Variants in ARSG observed in about 807,000 individuals in gnomAD.
ARSG encodes ASG.
In ARSG, 37 loss-of-function variants were observed where a neutral mutation model predicts 50.5. That is an observed-to-expected ratio of 0.73 (90% CI 0.56 to 0.96). The LOEUF is 0.96. ARSG is among the 50% of genes least tolerant of loss of function. The probability of loss-of-function intolerance (pLI) is 0.00; values close to 1 mark genes in which losing one functional copy is unlikely to be tolerated. For synonymous variants in ARSG, 225 were observed against 254.6 expected, an observed-to-expected ratio of 0.88 and a Z score of 1.11; for missense variants, 629 against 675.3, an observed-to-expected ratio of 0.93 and a Z score of 0.76.
At chr17:68,346,660 C>A in intron 3 of ARSG, 14 of 1,137,708 alleles carry the variant, frequency 1.2e-5, no homozygotes, top group Non-Finnish European at 1.6e-5. Context: ...GCTTGAACTG[C>A]GGGCTGCTGA....
chr17:68,358,083 G>T (rs116708832), intron 6 of ARSG, among the ~76,000 whole-genome samples: 1 of 152,120 alleles, frequency 6.6e-6, no homozygotes, highest in East Asian at 1.9e-4. Flanking sequence ...TGCACATGTT[G>T]TTCCAGCTAC....
chr17:68,369,683 A>G (rs1188169733), intron 7 of ARSG, among the ~76,000 whole-genome samples: 2 of 152,152 alleles, frequency 1.3e-5, no homozygotes, highest in Non-Finnish European at 2.9e-5. Flanking sequence ...CCTTTTCCTC[A>G]TCTGCAAAAT....
chr17:68,319,904 T>C (rs2077211675), intron 2 of ARSG, among the ~76,000 whole-genome samples: 2 of 152,240 alleles, frequency 1.3e-5, no homozygotes, highest in Non-Finnish European at 1.5e-5. Flanking sequence ...ATATCACTTA[T>C]AGATTGGTCT....
At chr17:68,338,648 C>T (rs185265461) in intron 2 of ARSG, among the ~76,000 whole-genome samples, 1 of 152,272 alleles carries the variant, frequency 6.6e-6, no homozygotes, top group East Asian at 1.9e-4. Flanking sequence ...AGGTCTTTAA[C>T]CTCCCCCTGC....
At chr17:68,261,756 T>C (rs1249262854) in intron 1 of ARSG, among the ~76,000 whole-genome samples, 2 of 152,028 alleles carry the variant, frequency 1.3e-5, no homozygotes, top group South Asian at 2.1e-4. Flanking sequence ...AGTGATCAAA[T>C]TGAAGGGTCA....
intron 11 of ARSG, among the ~76,000 whole-genome samples, chr17:68,403,580 G>C (rs1019647379): frequency 6.6e-6 from 1 of 152,208 alleles, no homozygotes; most frequent in Non-Finnish European, 1.5e-5. Context: ...TACTACATTA[G>C]ATTAGAGAAA....
the ARSG span, chr17:68,444,702 G>T: frequency 2.7e-6 from 2 of 749,450 alleles, no homozygotes; most frequent in Non-Finnish European, 2.1e-6. Context: ...GCCTAAAGCA[G>T]AATTTTGATG....
chr17:68,448,040 A>G, the ARSG span, among the ~76,000 whole-genome samples: 1 of 151,472 alleles, frequency 6.6e-6, no homozygotes, highest in African/African-American at 2.4e-5. Context: ...ATAACACCTT[A>G]TCCAAATCTT....
chr17:68,289,305 T>A (rs2075913129), upstream of ARSG, among the ~76,000 whole-genome samples: 1 of 152,026 alleles, frequency 6.6e-6, no homozygotes, highest in African/African-American at 2.4e-5. Context: ...AACAAATAAA[T>A]AAGTAGGTAT....
At position 68,386,111 on chromosome 17, in the gene ARSG, G is replaced by T. The variant is rs569006415; in HGVS notation, c.1091+939G>T. On this transcript the variant is annotated intron_variant, in intron 9 of 11. Transcript: ENST00000621439. ...GGCAGATCCAGGAGGCCATCTCCATGGCAAAGAACTTGGCTGTGCAGCGTC... is the reference window on the plus strand; with the variant it reads ...GGCAGATCCAGGAGGCCATCTCCATTGCAAAGAACTTGGCTGTGCAGCGTC... Among the ~76,000 whole-genome samples, 25 of 152,258 alleles carry T rather than the reference G, an allele frequency of 1.6e-4. No homozygotes were observed. The South Asian group carries it at 4.8e-3, about 29-fold the overall frequency.
intron 1 of ARSG, among the ~76,000 whole-genome samples, chr17:68,296,900 A>G (rs2076227734): frequency 6.6e-6 from 1 of 152,236 alleles, no homozygotes; most frequent in Admixed American, 6.5e-5. Flanking sequence ...CTAAGAAAGA[A>G]CTTAGAAAAG....
At chr17:68,270,436 C>A (rs1555748074) in intron 1 of ARSG, among the ~76,000 whole-genome samples, 2 of 152,064 alleles carry the variant, frequency 1.3e-5, no homozygotes, top group African/African-American at 4.8e-5. Context: ...TGCCTGTAGT[C>A]CCAGCTACTC....
intron 1 of ARSG, among the ~76,000 whole-genome samples, chr17:68,270,491 T>A (rs2075301947): frequency 6.6e-6 from 1 of 151,162 alleles, no homozygotes; most frequent in Non-Finnish European, 1.5e-5. Flanking sequence ...GAGGTGGAGG[T>A]TGCAGTGAGC....
Position 68,307,390 on chromosome 17 carries a change from C to T in ARSG, c.-104C>T. ...TTCTTGCAGATTCCACCCCTGCTCC[C>T]CAGAGACTTCCTGCTTTGAAAGTGA... On this transcript the variant is annotated 5_prime_UTR_variant, in exon 2 of 12. Coordinates refer to ENST00000621439, the MANE Select transcript of ARSG (RefSeq NM_001267727.2). The T allele has an allele frequency of 1.1e-6, 1 of 904,988 alleles. No homozygotes were observed. Among genetic ancestry groups the T allele is most frequent in the Non-Finnish European group, 1.8e-6 (1 of 569,908 alleles). The allele number at this position is 904,988 out of a possible 1,614,324, so 56.1% of individuals were successfully genotyped here.
intron 11 of ARSG, among the ~76,000 whole-genome samples, chr17:68,404,171 G>A (rs141246905): frequency 5.4e-4 from 82 of 152,254 alleles, no homozygotes; most frequent in African/African-American, 1.5e-3. Context: ...ATAAACATAC[G>A]TGTGCATGTG....
intron 2 of ARSG, among the ~76,000 whole-genome samples, chr17:68,308,746 A>G (rs1395593533): frequency 2.6e-5 from 4 of 152,134 alleles, no homozygotes; most frequent in Admixed American, 2.6e-4. Flanking sequence ...GTGTTTACAA[A>G]CCTTGAGCTA....
intron 2 of ARSG, among the ~76,000 whole-genome samples, chr17:68,342,511 A>G (rs969340775): frequency 4.0e-5 from 6 of 151,682 alleles, no homozygotes; most frequent in African/African-American, 1.5e-4. Context: ...CTGCCACCAC[A>G]CCCAGCTAAT....
chr17:68,325,128 G>T (rs1364618469), intron 2 of ARSG, among the ~76,000 whole-genome samples: 1 of 152,180 alleles, frequency 6.6e-6, no homozygotes, highest in Non-Finnish European at 1.5e-5. Context: ...CGGCATGTGA[G>T]TGAAGCTTCA....
chr17:68,343,449 GC>G (rs778835622), intron 2 of ARSG, among the ~76,000 whole-genome samples, 154 bp from the exon 3 acceptor site: 108 of 152,154 alleles, frequency 7.1e-4, no homozygotes, highest in Non-Finnish European at 1.4e-3. Context: ...GAGCCACCGC[GC>G]CTGGCCAGAA....
Sources: allele counts gnomAD v4.1 joint callset (sites outside exome capture counted in the v4.1 genomes callset), GRCh38; gene constraint gnomAD v4.1.1; transcripts MANE v1.5; gene names NCBI Gene and HGNC (gene_info 2026-07-23, HGNC 2026-07-21).